MOV10L1: variants seen among roughly 807,000 people sequenced by gnomAD.
MOV10L1 encodes the protein Mov10 like RNA helicase 1, also known as RNA helicase Mov10l1.
Under a neutral mutation model 143.8 loss-of-function variants are expected in MOV10L1, and 110 were observed. The observed-to-expected ratio is 0.76, with a 90% CI of 0.66 to 0.90. MOV10L1 has a LOEUF of 0.90. MOV10L1 is among the 40% of genes least tolerant of loss of function. The pLI, the probability that MOV10L1 is intolerant of heterozygous loss-of-function variation, is 0.00. For missense variants in MOV10L1, 1,406 were observed against 1,526.8 expected, an observed-to-expected ratio of 0.92 and a Z score of 1.32; for synonymous variants, 593 against 581.1, an observed-to-expected ratio of 1.02 and a Z score of -0.29.
chr22:50,091,565 C>T (rs1413550506), intron 1 of MOV10L1: 1 of 159,844 alleles, frequency 6.3e-6, no homozygotes, highest in African/African-American at 2.4e-5. Context: ...GCGTGTCAGC[C>T]ACGCAGAGGT....
chr22:50,102,761 C>T (rs12160118), intron 3 of MOV10L1, among the ~76,000 whole-genome samples: 55 of 152,148 alleles, frequency 3.6e-4, no homozygotes, highest in African/African-American at 1.2e-3. Context: ...ATTAGCTGGG[C>T]GTGGTGGTGC....
chr22:50,100,649 G>T (rs918157480), intron 3 of MOV10L1, among the ~76,000 whole-genome samples: 1 of 152,064 alleles, frequency 6.6e-6, no homozygotes, highest in Non-Finnish European at 1.5e-5. Flanking sequence ...GAGACTACAG[G>T]TGCCCACCAC....
At chr22:50,132,189 A>G (rs990256665) in intron 13 of MOV10L1, among the ~76,000 whole-genome samples, 2 of 152,204 alleles carry the variant, frequency 1.3e-5, no homozygotes, top group Non-Finnish European at 2.9e-5. Context: ...GCTGGGGGGA[A>G]CACAAACCTA....
Position 50,158,854 on chromosome 22 carries a change from A to C in MOV10L1, c.3216+648A>C, listed in dbSNP as rs1413948893. 1 of 152,314 alleles carries C rather than the reference A, an allele frequency of 6.6e-6. No homozygotes were observed. The highest frequency in any genetic ancestry group is 2.4e-5 in the African/African-American group (1 of 41,450). 9.4% of individuals were successfully genotyped at this position (152,314 alleles called of 1,614,324 possible). On this transcript the variant is annotated intron_variant, in intron 23 of 26. Transcript: ENST00000262794. The surrounding 1 kb of genome is among the most constrained non-coding windows in gnomAD (Gnocchi z 5.0). ...TGTACCGCGCGTGTGCTGACCGCAGAGCCCGTCAAAGATGTTATGTTTCCT... is the reference window on the plus strand; with the variant it reads ...TGTACCGCGCGTGTGCTGACCGCAGCGCCCGTCAAAGATGTTATGTTTCCT...
intron 26 of MOV10L1, 99 bp from the exon 27 acceptor site, chr22:50,161,269 C>A: frequency 9.0e-7 from 1 of 1,110,638 alleles, no homozygotes; most frequent in Non-Finnish European, 1.3e-6. Context: ...ACAGGGTAAA[C>A]TAAGTCCCCT....
chr22:50,110,414 A>T (rs764285912), intron 5 of MOV10L1, among the ~76,000 whole-genome samples: 2 of 150,598 alleles, frequency 1.3e-5, no homozygotes, highest in East Asian at 4.0e-4. Context: ...GCGCCACTGC[A>T]CTCCAGCCTG....
rs369538644 is a variant in MOV10L1 at position 50,149,759 on chromosome 22, C to G, written c.2727+45C>G. Reference sequence around the variant, plus strand: ...TGTGCTGCTTCCTCCTCACCCCGTTCTCCTGAGGGGATGCAGGCTGCGATC... The same window carrying G: ...TGTGCTGCTTCCTCCTCACCCCGTTGTCCTGAGGGGATGCAGGCTGCGATC... On this transcript the variant is annotated intron_variant, in intron 20 of 26. Coordinates refer to ENST00000262794, the MANE Select transcript of MOV10L1 (RefSeq NM_018995.3). 7 of 1,533,418 alleles carry G rather than the reference C, an allele frequency of 4.6e-6. No homozygotes were observed. In the African/African-American group the frequency reaches 9.5e-5, roughly 21 times the overall value. 95.0% of individuals were successfully genotyped at this position (1,533,418 alleles called of 1,614,324 possible). A position where few individuals can be genotyped will look rare whatever the true frequency, so the allele number is the denominator to read the frequency against.
chr22:50,114,665 T>C (rs1341544363), intron 7 of MOV10L1, 43 bp downstream of exon 7: 11 of 1,601,076 alleles, frequency 6.9e-6, no homozygotes, highest in Non-Finnish European at 8.5e-6. Context: ...TCGGGTGGGC[T>C]GGGGGCCGTG....
At chr22:50,116,343 A>T (rs933599114) in intron 8 of MOV10L1, among the ~76,000 whole-genome samples, 4 of 151,398 alleles carry the variant, frequency 2.6e-5, no homozygotes, top group African/African-American at 9.7e-5. Context: ...GCTACTCAGG[A>T]GGCTGAGGCA....
Position 50,108,391 on chromosome 22 carries a change from C to G in MOV10L1, c.555+143C>G, listed in dbSNP as rs748113644. The G allele has an allele frequency of 3.6e-6, 3 of 844,842 alleles. No homozygotes were observed. The East Asian group carries it at 7.9e-5, about 22-fold the overall frequency. The allele number at this position is 844,842 out of a possible 1,614,324, so 52.3% of individuals were successfully genotyped here. ...CATGGCCAAAGAGGAGTGTGTTTTCCTATTGACAATGCTGTGTTTCGTTTG... is the reference window on the plus strand; with the variant it reads ...CATGGCCAAAGAGGAGTGTGTTTTCGTATTGACAATGCTGTGTTTCGTTTG... On this transcript the variant is annotated intron_variant, in intron 4 of 26. Transcript: ENST00000262794.
intron 19 of MOV10L1, among the ~76,000 whole-genome samples, chr22:50,148,788 C>A (rs991433961): frequency 1.4e-4 from 22 of 152,002 alleles, no homozygotes; most frequent in African/African-American, 5.3e-4. Context: ...CTCAGCTTCC[C>A]GAGTAGCTGG....
chr22:50,156,045 C>G (rs2063418197), intron 22 of MOV10L1, among the ~76,000 whole-genome samples: 1 of 152,070 alleles, frequency 6.6e-6, no homozygotes, highest in South Asian at 2.1e-4. Context: ...GAGTGAAACC[C>G]TGTCTCATTC....
chr22:50,112,797 A>T (rs2062058926), intron 5 of MOV10L1, among the ~76,000 whole-genome samples: 2 of 152,188 alleles, frequency 1.3e-5, no homozygotes, highest in Non-Finnish European at 2.9e-5. Flanking sequence ...GGGCTGAGCC[A>T]CGCACCGGGC....
chr22:50,123,196 C>CA (rs71198219), intron 10 of MOV10L1, among the ~76,000 whole-genome samples: 2,910 of 101,182 alleles, frequency 0.029, 159 homozygotes, highest in East Asian at 0.26. Flanking sequence ...ACTCATGTCT[C>CA]AAAAAAAAAA....
At chr22:50,130,073 C>T (rs112119762) in intron 13 of MOV10L1, among the ~76,000 whole-genome samples, 145 of 152,148 alleles carry the variant, frequency 9.5e-4, no homozygotes, top group African/African-American at 3.2e-3. Context: ...GTCAGGAGTT[C>T]GAGACCAGCC....
chr22:50,125,496 C>G lies in MOV10L1; in HGVS notation c.1674C>G (p.Ile558Met). ...ELKEYNMSGI[I>M]LRRNGDLLVL... ...AAGAGTATAACATGAGCGGGATCATCTTAAGAAGGAATGGGGATCTGCTGG... is the reference window on the plus strand; with the variant it reads ...AAGAGTATAACATGAGCGGGATCATGTTAAGAAGGAATGGGGATCTGCTGG... The change falls in exon 11 of 27, where the codon ATC becomes ATG. Residue 558 changes from isoleucine (I) to methionine (M), a missense_variant. By Grantham distance (10) the Ile-to-Met change is conservative. This residue lies in a region of MOV10L1 where 1,233 missense variants were observed against 1,351.4 expected (regional missense o/e 0.91). Coordinates refer to ENST00000262794, the MANE Select transcript of MOV10L1 (RefSeq NM_018995.3). 1.2e-6 allele frequency: 2 copies of G among 1,614,180 alleles called. No individual in the cohort carries two copies. Among genetic ancestry groups the G allele is most frequent in the Non-Finnish European group, 8.5e-7 (1 of 1,180,026 alleles).
At position 50,117,147 on chromosome 22, in the gene MOV10L1, T is replaced by G. The variant is rs769408083; in HGVS notation, c.1260-10T>G. On this transcript the variant is annotated splice_polypyrimidine_tract_variant and intron_variant, in intron 8 of 26. Transcript: ENST00000262794. ...TGACTAAAACTAAATTTCATTTTGT[T>G]TTTTTCAAGAAATCCTGGCCGCTGC... 6.3e-7 allele frequency: 1 copy of G among 1,588,290 alleles called. No individual in the cohort carries two copies. Among genetic ancestry groups the G allele is most frequent in the African/African-American group, 1.4e-5 (1 of 73,566 alleles).
intron 3 of MOV10L1, among the ~76,000 whole-genome samples, chr22:50,103,248 C>T (rs1343423813): frequency 6.6e-6 from 1 of 152,246 alleles, no homozygotes; most frequent in African/African-American, 2.4e-5. Context: ...GTTTGAACAG[C>T]ACTGTCCCCC....
chr22:50,145,651 T>A, intron 18 of MOV10L1, 38 bp from the exon 19 acceptor site: 1 of 1,608,232 alleles, frequency 6.2e-7, no homozygotes, highest in South Asian at 1.1e-5. Context: ...GCTTAATAAT[T>A]GGAGGAGTAA....
Sources: allele counts gnomAD v4.1 joint callset (sites outside exome capture counted in the v4.1 genomes callset), GRCh38; gene constraint gnomAD v4.1.1; regional missense constraint gnomAD v4.1.1; non-coding constraint Gnocchi (gnomAD v3.1); transcripts MANE v1.5; gene names NCBI Gene and HGNC (gene_info 2026-07-23, HGNC 2026-07-21).